The following DENND5B variants were observed in gnomAD, a reference collection of about 807,000 sequenced individuals.
DENND5B encodes the protein DENN domain-containing protein 5B.
DENND5B carries 34 observed loss-of-function variants against 140.6 expected under a neutral mutation model. The observed-to-expected ratio is 0.24, with a 90% CI of 0.18 to 0.32. The LOEUF (loss-of-function observed/expected upper bound fraction) is 0.32, where lower values mean the gene tolerates loss of function less well. Among genes scored for constraint, DENND5B ranks in the 10% least tolerant of loss-of-function variants. The pLI, the probability that DENND5B is intolerant of heterozygous loss-of-function variation, is 1.00. For missense variants in DENND5B, 1,142 were observed against 1,560.2 expected, an observed-to-expected ratio of 0.73 and a Z score of 4.52; for synonymous variants, 551 against 562.1, an observed-to-expected ratio of 0.98 and a Z score of 0.28.
rs79145848 is a variant in DENND5B, at chr12:31,526,046, G to C, written c.128-30127C>G. Among the ~76,000 whole-genome samples, 799 of 152,158 alleles carry C rather than the reference G, an allele frequency of 5.3e-3. 4 individuals are homozygous for C. Among genetic ancestry groups the C allele is most frequent in the African/African-American group, 0.019 (769 of 41,522 alleles). On this transcript the variant is annotated intron_variant, in intron 1 of 20. Coordinates refer to ENST00000389082, the MANE Select transcript of DENND5B (RefSeq NM_144973.4). ...ATACTTTAAGGGCAAGTTTAAATGT[G>C]ATCTTCTCCCTATTTCTCACCTCAC...
chr12:31,586,496 A>C (rs1950396837), intron 1 of DENND5B, among the ~76,000 whole-genome samples: 2 of 152,198 alleles, frequency 1.3e-5, no homozygotes, highest in Admixed American at 6.5e-5. Context: ...TCCATTTTAA[A>C]ATATATTTTT....
chr12:31,572,533 CTT>C (rs750389427), intron 1 of DENND5B, among the ~76,000 whole-genome samples: 3 of 70,992 alleles, frequency 4.2e-5, no homozygotes, highest in Non-Finnish European at 7.7e-5. Context: ...TAATTTTACT[CTT>C]TCTCAAAAAA....
chr12:31,481,119 T>G (rs1291295063), intron 2 of DENND5B, among the ~76,000 whole-genome samples: 2 of 152,248 alleles, frequency 1.3e-5, no homozygotes, highest in African/African-American at 4.8e-5. Flanking sequence ...ATACTCATTA[T>G]TCATATTTAG....
At chr12:31,556,634 T>C (rs777401130) in intron 1 of DENND5B, among the ~76,000 whole-genome samples, 11 of 152,276 alleles carry the variant, frequency 7.2e-5, no homozygotes, top group East Asian at 5.8e-4. Context: ...CTGGGCAACA[T>C]AGCAAGACCC....
chr12:31,397,624 C>G (rs1349371232), intron 17 of DENND5B, among the ~76,000 whole-genome samples: 1 of 133,482 alleles, frequency 7.5e-6, no homozygotes, highest in Non-Finnish European at 1.6e-5. Flanking sequence ...ATTATTATTT[C>G]TCTTTTAAGT....
intron 1 of DENND5B, among the ~76,000 whole-genome samples, chr12:31,525,150 T>C (rs936381013): frequency 1.3e-5 from 2 of 152,190 alleles, no homozygotes; most frequent in African/African-American, 2.4e-5. Context: ...AAATAATAAC[T>C]GCTTTGAAAA....
intron 1 of DENND5B, among the ~76,000 whole-genome samples, chr12:31,517,482 C>A (rs1213208164): frequency 2.6e-5 from 4 of 152,166 alleles, no homozygotes; most frequent in South Asian, 2.1e-4. Flanking sequence ...AAAAGTATAG[C>A]ACAGTACTGA....
chr12:31,462,750 G>A (rs1341817366), intron 3 of DENND5B, among the ~76,000 whole-genome samples: 1 of 152,144 alleles, frequency 6.6e-6, no homozygotes, highest in Non-Finnish European at 1.5e-5. Context: ...CCTGAGGTCA[G>A]AAGTTAGAGG....
intron 5 of DENND5B, among the ~76,000 whole-genome samples, chr12:31,451,014 T>C (rs10771835): frequency 0.34 from 52,331 of 151,942 alleles, 10,689 homozygotes; most frequent in East Asian, 0.57. Flanking sequence ...ATCTTTGGAA[T>C]TGTTTTACAC....
chr12:31,524,514 A>C (rs1591980406), intron 1 of DENND5B, among the ~76,000 whole-genome samples: 1 of 152,140 alleles, frequency 6.6e-6, no homozygotes, highest in Non-Finnish European at 1.5e-5. Flanking sequence ...TTAGCCGGGC[A>C]TGATGGCATG....
intron 4 of DENND5B, among the ~76,000 whole-genome samples, chr12:31,457,130 C>T (rs1024755819): frequency 6.6e-6 from 1 of 152,194 alleles, no homozygotes; most frequent in African/African-American, 2.4e-5. Flanking sequence ...ATGACAAGAA[C>T]AAAGTTGCAA....
chr12:31,403,137 T>C (rs1288600492), intron 14 of DENND5B, among the ~76,000 whole-genome samples: 1 of 152,216 alleles, frequency 6.6e-6, no homozygotes, highest in African/African-American at 2.4e-5. Context: ...ATTTCAGAAC[T>C]TTCCTGTCCC....
chr12:31,492,052 G>A (rs115379030), intron 2 of DENND5B, among the ~76,000 whole-genome samples: 232 of 152,262 alleles, frequency 1.5e-3, no homozygotes, highest in African/African-American at 5.1e-3. Flanking sequence ...TCTGTGACCC[G>A]AATGCAAACT....
intron 14 of DENND5B, among the ~76,000 whole-genome samples, chr12:31,403,201 C>T (rs574100319): frequency 6.6e-6 from 1 of 152,248 alleles, no homozygotes; most frequent in Non-Finnish European, 1.5e-5. Context: ...GGAACCTCCA[C>T]TCTGGACATA....
Position 31,402,636 on chromosome 12 carries a change from C to T in DENND5B, c.2811G>A (p.Pro937=), listed in dbSNP as rs766664169. ...FTSVFTTIMI[P]YRSVIIPIKK... ...TGATTGGGATGATCACTGACCTATA[C>T]GGAATCACTGAAAGAAAAATGCAGA... The change falls in exon 15 of 21, where the codon CCG becomes CCA. Residue 937 remains proline, a synonymous_variant. Transcript: ENST00000389082. The T allele has an allele frequency of 1.8e-5, 28 of 1,596,260 alleles. No homozygotes were observed. Among genetic ancestry groups the T allele is most frequent in the South Asian group, 4.6e-5 (4 of 86,362 alleles).
chr12:31,485,156 C>T (rs775798927), intron 2 of DENND5B, among the ~76,000 whole-genome samples: 1 of 152,204 alleles, frequency 6.6e-6, no homozygotes, highest in Non-Finnish European at 1.5e-5. Context: ...CTGCAGCGGG[C>T]ACTGGTCAAC....
chr12:31,459,980 C>T (rs1487889323), intron 4 of DENND5B, among the ~76,000 whole-genome samples: 1 of 152,160 alleles, frequency 6.6e-6, no homozygotes, highest in Non-Finnish European at 1.5e-5. Context: ...TGAAAATCAG[C>T]CACTGTCTTG....
Position 31,495,820 on chromosome 12 carries a change from G to A in DENND5B, c.227C>T (p.Ala76Val), listed in dbSNP as rs866220797. Residue 76 changes from alanine to valine, a missense_variant, in exon 2 of 21, where the codon GCG (alanine) becomes GTG (valine). This residue lies in a region of DENND5B where 708 missense variants were observed against 905.5 expected (regional missense o/e 0.78). Coordinates refer to ENST00000389082, the MANE Select transcript of DENND5B (RefSeq NM_144973.4). ...NIEWNPFDQD[A>V]VNMLCMPKGL... is the part of the protein sequence containing the mutation. ...AAAAAAAACACATACCATGTTCACC[G>A]CATCTTGATCAAAAGGGTTCCATTC... 2.5e-6 allele frequency: 4 copies of A among 1,606,862 alleles called. No homozygotes were observed. The highest frequency in any genetic ancestry group is 1.7e-5 in the Admixed American group (1 of 58,966).
chr12:31,422,589 G>A (rs532616486), intron 11 of DENND5B, among the ~76,000 whole-genome samples: 2 of 152,274 alleles, frequency 1.3e-5, no homozygotes, highest in East Asian at 1.9e-4. Flanking sequence ...TGACAAGATC[G>A]AGACTCCATC....
Sources: gnomAD v4.1 joint callset for allele counts (sites outside exome capture counted in the v4.1 genomes callset) on GRCh38, gnomAD v4.1.1 for gene constraint, gnomAD v4.1.1 regional missense constraint, MANE v1.5 for transcripts, NCBI Gene and HGNC (gene_info 2026-07-23, HGNC 2026-07-21) for gene names.